FRMD4B: variants seen among roughly 807,000 people sequenced by gnomAD.
FRMD4B encodes the protein FERM domain containing 4B, also known as FERM domain-containing protein 4B.
A neutral mutation model predicts 141.5 loss-of-function variants in FRMD4B; 74 were observed. The ratio of observed to expected loss-of-function variants is 0.52; its 90% CI spans 0.43 to 0.63. The LOEUF is 0.63. Among genes scored for constraint, FRMD4B ranks in the 30% least tolerant of loss-of-function variants. The pLI, the probability that FRMD4B is intolerant of heterozygous loss-of-function variation, is 0.00. For missense variants in FRMD4B, 1,366 were observed against 1,253.4 expected, an observed-to-expected ratio of 1.09 and a Z score of -1.36; for synonymous variants, 506 against 467.9, an observed-to-expected ratio of 1.08 and a Z score of -1.05.
rs141473272 is a variant in FRMD4B at position 69,300,188 on chromosome 3, C to G, written c.416+2155G>C. 2.0e-3 allele frequency among the ~76,000 whole-genome samples: 311 copies of G among 152,312 alleles called. 2 individuals are homozygous for G. The highest frequency in any genetic ancestry group is 7.3e-3 in the African/African-American group (305 of 41,564). The stretch of plus-strand genomic sequence containing the variant: ...AGCTACATTCCACAGTGACCTCGGT[C>G]AGTTCACAAAATTCTTTGGCGTGTG... On this transcript the variant is annotated intron_variant, in intron 4 of 22. Coordinates refer to ENST00000398540, the MANE Select transcript of FRMD4B (RefSeq NM_015123.3).
chr3:69,223,421 A>G (rs117277447), intron 8 of FRMD4B, among the ~76,000 whole-genome samples: 1,986 of 152,270 alleles, frequency 0.013, 70 homozygotes, highest in East Asian at 0.075. Context: ...ATACTGAAGC[A>G]GGAGAATTGC....
intron 1 of FRMD4B, among the ~76,000 whole-genome samples, chr3:69,342,402 G>C (rs1284194181): frequency 6.6e-6 from 1 of 152,176 alleles, no homozygotes; most frequent in Non-Finnish European, 1.5e-5. Context: ...AGATTCAAAT[G>C]TGGGCTAATG....
upstream of FRMD4B, among the ~76,000 whole-genome samples, chr3:69,390,580 A>T (rs11128128): frequency 0.66 from 100,754 of 151,946 alleles, 33,629 homozygotes; most frequent in Middle Eastern, 0.68. Flanking sequence ...CAGAGGTCAG[A>T]GAACCCTGGT....
chr3:69,191,877 C>G (rs2092842168), intron 17 of FRMD4B, among the ~76,000 whole-genome samples: 1 of 152,196 alleles, frequency 6.6e-6, no homozygotes, highest in Admixed American at 6.5e-5. Flanking sequence ...TCTACATTCT[C>G]CAGCTGTAGT....
intron 2 of FRMD4B, among the ~76,000 whole-genome samples, chr3:69,398,107 A>C (rs76242500): frequency 0.017 from 2,534 of 152,310 alleles, 33 homozygotes; most frequent in Non-Finnish European, 0.026. Flanking sequence ...AACTGAGTGC[A>C]TGCATGTAAG....
At chr3:69,449,421 G>C (rs1485797773) in intron 1 of FRMD4B, among the ~76,000 whole-genome samples, 1 of 152,200 alleles carries the variant, frequency 6.6e-6, no homozygotes, top group Admixed American at 6.5e-5. Context: ...CAAGTATTTT[G>C]TGCCACATAA....
Position 69,181,669 on chromosome 3 carries a change from C to A in FRMD4B, c.2081G>T (p.Ser694Ile). 6.2e-7 allele frequency: 1 copy of A among 1,613,622 alleles called. No individual in the cohort carries two copies. The highest frequency in any genetic ancestry group is 8.5e-7 in the Non-Finnish European group (1 of 1,179,716). The change falls in exon 21 of 23, where the codon AGC becomes ATC. Residue 694 changes from serine (S) to isoleucine (I), a missense_variant. Transcript: ENST00000398540. ...SSQHCRQRSG[S>I]LESQSHLLSE... is the part of the protein sequence containing the mutation. The stretch of plus-strand genomic sequence containing the variant: ...GAGCAGGTGGGACTGGGACTCCAGG[C>A]TTCCACTCCGCTGGCGGCAGTGCTG...
chr3:69,265,641 G>A (rs544367198), intron 5 of FRMD4B, among the ~76,000 whole-genome samples: 1 of 151,468 alleles, frequency 6.6e-6, no homozygotes, highest in African/African-American at 2.4e-5. Context: ...TAGTGACGGG[G>A]TTTCACTGTG....
At chr3:69,230,101 G>T (rs1334449965) in intron 7 of FRMD4B, among the ~76,000 whole-genome samples, 2 of 151,636 alleles carry the variant, frequency 1.3e-5, no homozygotes, top group Admixed American at 1.3e-4. Context: ...TCAGCTTCCC[G>T]AGTAGCTGGG....
chr3:69,335,723 C>A (rs975208643), intron 1 of FRMD4B, among the ~76,000 whole-genome samples: 3 of 148,932 alleles, frequency 2.0e-5, no homozygotes, highest in Non-Finnish European at 1.5e-5. Flanking sequence ...ATCTGCTGGG[C>A]AGGACTGAGT....
At chr3:69,320,244 A>G (rs534014977) in intron 1 of FRMD4B, among the ~76,000 whole-genome samples, 71 of 152,340 alleles carry the variant, frequency 4.7e-4, no homozygotes, top group Admixed American at 1.4e-3. Flanking sequence ...TTTAAAAATT[A>G]TAACAACAAA....
chr3:69,489,434 T>A (rs978363200), intron 1 of FRMD4B, among the ~76,000 whole-genome samples: 1 of 152,086 alleles, frequency 6.6e-6, no homozygotes, highest in East Asian at 1.9e-4. Context: ...AGGATTTGAA[T>A]AGGCATTTCT....
At chr3:69,234,940 A>G (rs1369512797) in intron 7 of FRMD4B, among the ~76,000 whole-genome samples, 1 of 151,774 alleles carries the variant, frequency 6.6e-6, no homozygotes, top group Non-Finnish European at 1.5e-5. Context: ...CTTGAGATCA[A>G]GAGTTCCAGA....
At chr3:69,366,826 G>A (rs1275929381) in intron 1 of FRMD4B, among the ~76,000 whole-genome samples, 1 of 151,900 alleles carries the variant, frequency 6.6e-6, no homozygotes, top group Non-Finnish European at 1.5e-5. Context: ...CTGGAGTGCA[G>A]TGGGATGATC....
chr3:69,487,515 A>G (rs1301770881), intron 1 of FRMD4B, among the ~76,000 whole-genome samples: 1 of 152,240 alleles, frequency 6.6e-6, no homozygotes, highest in Non-Finnish European at 1.5e-5. Flanking sequence ...AGGAGACTCC[A>G]CTATCTTAGG....
chr3:69,461,870 A>G (rs1705713412), intron 1 of FRMD4B, among the ~76,000 whole-genome samples: 1 of 152,048 alleles, frequency 6.6e-6, no homozygotes, highest in Non-Finnish European at 1.5e-5. Flanking sequence ...CCCTCTCAAA[A>G]GTGTCCCGTT....
chr3:69,210,691 A>G (rs1055071879), intron 11 of FRMD4B, among the ~76,000 whole-genome samples: 1 of 152,192 alleles, frequency 6.6e-6, no homozygotes, highest in African/African-American at 2.4e-5. Flanking sequence ...AGGTGAAAGA[A>G]GTGCTCACAC....
intron 21 of FRMD4B, among the ~76,000 whole-genome samples, chr3:69,179,590 G>A (rs2107586225): frequency 6.6e-6 from 1 of 152,268 alleles, no homozygotes; most frequent in East Asian, 1.9e-4. Context: ...AAATCTCCAT[G>A]GAAACGCCTC....
intron 1 of FRMD4B, among the ~76,000 whole-genome samples, chr3:69,346,930 G>C (rs1313712351): frequency 6.6e-6 from 1 of 152,078 alleles, no homozygotes; most frequent in Non-Finnish European, 1.5e-5. Flanking sequence ...CAACTAACGA[G>C]CAAAATAACC....
Sources: allele counts gnomAD v4.1 joint callset (sites outside exome capture counted in the v4.1 genomes callset), GRCh38; gene constraint gnomAD v4.1.1; transcripts MANE v1.5; gene names NCBI Gene and HGNC (gene_info 2026-07-23, HGNC 2026-07-21).